PLCB4: variants seen among roughly 807,000 people sequenced by gnomAD.
The protein encoded by PLCB4 is phospholipase C beta 4.
In PLCB4, 77 loss-of-function variants were observed where a neutral mutation model predicts 178.8. That is an observed-to-expected ratio of 0.43 (90% confidence interval 0.36 to 0.52). PLCB4 has a LOEUF of 0.52. Ranked by LOEUF, PLCB4 falls within the 20% of genes least tolerant of loss-of-function variation. The pLI, the probability that PLCB4 is intolerant of heterozygous loss-of-function variation, is 0.00. For missense variants in PLCB4, 1,024 were observed against 1,453.4 expected (o/e 0.70, Z 4.80); for synonymous variants, 496 against 490.8 (o/e 1.01, Z -0.14).
At chr20:9,457,317 G>T in intron 33 of PLCB4, 97 bp from the exon 34 acceptor site, 1 of 719,368 alleles carries the variant, frequency 1.4e-6, no homozygotes, top group South Asian at 1.6e-5. Flanking sequence ...CATATTTGAT[G>T]AATATATTAT....
At chr20:9,197,122 G>A (rs1191418499) in intron 2 of PLCB4, among the ~76,000 whole-genome samples, 4 of 152,180 alleles carry the variant, frequency 2.6e-5, no homozygotes, top group East Asian at 1.9e-4. Flanking sequence ...TTAAATTCTT[G>A]TAATAACCAG....
chr20:9,123,820 A>G (rs1428669232), intron 2 of PLCB4, among the ~76,000 whole-genome samples: 3 of 151,962 alleles, frequency 2.0e-5, no homozygotes, highest in Non-Finnish European at 4.4e-5. Flanking sequence ...AGTTATTTAC[A>G]GATCTATGTT....
At chr20:9,472,702 T>C in intron 36 of PLCB4, 88 bp from the exon 37 acceptor site, 1 of 661,932 alleles carries the variant, frequency 1.5e-6, no homozygotes, top group Non-Finnish European at 2.5e-6. Flanking sequence ...ATCCAGAGAA[T>C]TTGATGGAAT....
In PLCB4 at chr20:9,431,213, C is replaced by G. The variant is rs2041369796; in HGVS notation, c.2525-4347C>G. ...TGGCATTCCTTGGCTTGAAGATGCA[C>G]CACTCCAGTCTCTGCCTCTGTTGTC... On this transcript the variant is annotated intron_variant, in intron 28 of 39. Transcript: ENST00000378473. Among the ~76,000 whole-genome samples, 3 of 152,072 alleles carry G rather than the reference C, an allele frequency of 2.0e-5. No individual in the cohort carries two copies. The South Asian group carries it at 6.2e-4, about 32-fold the overall frequency.
At chr20:9,340,510 G>T (rs1221434602) in intron 7 of PLCB4, among the ~76,000 whole-genome samples, 1 of 152,140 alleles carries the variant, frequency 6.6e-6, no homozygotes, top group Admixed American at 6.5e-5. Context: ...AGAGTGTTTG[G>T]TTCTGTCCTT....
chr20:9,414,552 G>A (rs1169165881), intron 25 of PLCB4, among the ~76,000 whole-genome samples: 1 of 152,182 alleles, frequency 6.6e-6, no homozygotes, highest in African/African-American at 2.4e-5. Flanking sequence ...GCCTGTGGAG[G>A]CAAAGAATCC....
intron 3 of PLCB4, among the ~76,000 whole-genome samples, chr20:9,245,265 T>C (rs2094112787): frequency 6.6e-6 from 1 of 152,104 alleles, no homozygotes; most frequent in East Asian, 1.9e-4. Flanking sequence ...GTCCAGAATT[T>C]TGGGGAGTGA....
At chr20:9,440,445 C>A (rs1246982636) in intron 30 of PLCB4, among the ~76,000 whole-genome samples, 1 of 152,180 alleles carries the variant, frequency 6.6e-6, no homozygotes, top group Non-Finnish European at 1.5e-5. Context: ...AGGAAAAGAT[C>A]AAAATTCACA....
chr20:9,441,687 C>T (rs1433993886), intron 30 of PLCB4, among the ~76,000 whole-genome samples: 1 of 152,146 alleles, frequency 6.6e-6, no homozygotes, highest in African/African-American at 2.4e-5. Context: ...TATACCCTGA[C>T]TCCTGTCAGC....
chr20:9,424,002 T>C (rs1043536976), intron 28 of PLCB4, 50 bp downstream of exon 28: 13 of 1,147,150 alleles, frequency 1.1e-5, no homozygotes, highest in Non-Finnish European at 1.6e-5. Flanking sequence ...GGTCCTAGAT[T>C]ATAAGATTAT....
chr20:9,344,437 G>T (rs1171049302), intron 7 of PLCB4, among the ~76,000 whole-genome samples: 1 of 152,178 alleles, frequency 6.6e-6, no homozygotes, highest in African/African-American at 2.4e-5. Context: ...GGACGGCACT[G>T]TTCTGTTCAC....
chr20:9,218,700 C>A (rs2093761692), intron 3 of PLCB4, among the ~76,000 whole-genome samples: 1 of 152,198 alleles, frequency 6.6e-6, no homozygotes. Flanking sequence ...CACAACCTGA[C>A]ACTTCTCTAA....
intron 32 of PLCB4, among the ~76,000 whole-genome samples, chr20:9,448,406 C>T (rs1383605731): frequency 6.6e-5 from 10 of 151,980 alleles, no homozygotes; most frequent in Non-Finnish European, 1.3e-4. Flanking sequence ...ACTAGTGTGC[C>T]CCTGGCCCAA....
At chr20:9,313,739 C>T (rs914469170) in intron 4 of PLCB4, among the ~76,000 whole-genome samples, 2 of 152,184 alleles carry the variant, frequency 1.3e-5, no homozygotes, top group Non-Finnish European at 2.9e-5. Flanking sequence ...TAAGTACTGG[C>T]TTCATAGTTT....
chr20:9,386,619 T>G (rs1303297920), intron 14 of PLCB4, among the ~76,000 whole-genome samples: 1 of 151,994 alleles, frequency 6.6e-6, no homozygotes, highest in Non-Finnish European at 1.5e-5. Flanking sequence ...AGTAACATTA[T>G]CCAGCCTATC....
At chr20:9,151,287 G>A (rs1232383998) in intron 2 of PLCB4, among the ~76,000 whole-genome samples, 1 of 152,136 alleles carries the variant, frequency 6.6e-6, no homozygotes, top group Non-Finnish European at 1.5e-5. Flanking sequence ...AGGGACTTGA[G>A]CATCTGTGAG....
rs576548131 is a variant in PLCB4, at chr20:9,480,014, A to C, written c.*1005A>C. On this transcript the variant is annotated 3_prime_UTR_variant, in exon 40 of 40. Transcript: ENST00000378473. ...GCATAATGAAAAACCCTCTCTCTATATATATATGTGTATATGAATTATGTG... is the reference window on the plus strand; with the variant it reads ...GCATAATGAAAAACCCTCTCTCTATCTATATATGTGTATATGAATTATGTG... 335 of 152,702 alleles carry C rather than the reference A, an allele frequency of 2.2e-3. 4 individuals carry two copies. The highest frequency in any genetic ancestry group is 7.7e-3 in the African/African-American group (319 of 41,562). The allele number at this position is 152,702 out of a possible 1,614,324, so 9.5% of individuals were successfully genotyped here.
At chr20:9,282,963 T>C (rs1332097550) in intron 3 of PLCB4, among the ~76,000 whole-genome samples, 1 of 152,038 alleles carries the variant, frequency 6.6e-6, no homozygotes, top group Non-Finnish European at 1.5e-5. Flanking sequence ...TTCATGCCTC[T>C]GATTTGTTTC....
chr20:9,305,743 CT>C (rs749140994), intron 3 of PLCB4, among the ~76,000 whole-genome samples: 5 of 152,050 alleles, frequency 3.3e-5, no homozygotes, highest in African/African-American at 4.8e-5. Flanking sequence ...CATTTTTCTC[CT>C]AAAAGTTGAA....
Sources: gnomAD v4.1 joint callset for allele counts (sites outside exome capture counted in the v4.1 genomes callset) on GRCh38, gnomAD v4.1.1 for gene constraint, MANE v1.5 for transcripts, NCBI Gene and HGNC (gene_info 2026-07-23, HGNC 2026-07-21) for gene names.